Variants in GPC5 observed in about 807,000 individuals in gnomAD.
GPC5 encodes glypican 5.
A neutral mutation model predicts 53.9 loss-of-function variants in GPC5; 47 were observed. The observed-to-expected ratio is 0.87, with a 90% CI of 0.69 to 1.11. The LOEUF is 1.11. Among genes scored for constraint, GPC5 ranks in the 50% most tolerant of loss-of-function variants. The probability of loss-of-function intolerance (pLI) is 0.00; values close to 1 mark genes in which losing one functional copy is unlikely to be tolerated. For missense variants in GPC5, 748 were observed against 713.1 expected (o/e 1.05, Z -0.56); for synonymous variants, 286 against 263.3 (o/e 1.09, Z -0.84).
At chr13:91,875,633 T>C (rs1286857884) in intron 5 of GPC5, among the ~76,000 whole-genome samples, 2 of 152,230 alleles carry the variant, frequency 1.3e-5, no homozygotes, top group Non-Finnish European at 2.9e-5. Context: ...TTCTGAAATA[T>C]TTCCTTCTTT....
intron 7 of GPC5, among the ~76,000 whole-genome samples, chr13:92,471,639 TAG>T (rs1170785226): frequency 2.0e-5 from 3 of 151,802 alleles, no homozygotes; most frequent in Non-Finnish European, 2.9e-5. Flanking sequence ...TACATATATA[TAG>T]AGAGAGAGGG....
intron 7 of GPC5, among the ~76,000 whole-genome samples, chr13:92,210,877 A>G (rs2042370313): frequency 6.6e-6 from 1 of 152,214 alleles, no homozygotes; most frequent in Non-Finnish European, 1.5e-5. Context: ...AGGGCAATGA[A>G]ATAAATCAGG....
At chr13:92,798,320 G>A (rs1460592611) in intron 7 of GPC5, among the ~76,000 whole-genome samples, 3 of 151,886 alleles carry the variant, frequency 2.0e-5, no homozygotes, top group Non-Finnish European at 4.4e-5. Context: ...TCACAATGGT[G>A]TAAAGGGCAG....
chr13:91,451,793 T>A (rs1303684866), intron 2 of GPC5, among the ~76,000 whole-genome samples: 2 of 151,720 alleles, frequency 1.3e-5, no homozygotes. Flanking sequence ...AATTTTTGTA[T>A]TTTTAGTAGA....
intron 6 of GPC5, among the ~76,000 whole-genome samples, chr13:91,988,128 A>C (rs1401153861): frequency 6.6e-6 from 1 of 151,062 alleles, no homozygotes; most frequent in African/African-American, 2.4e-5. Context: ...CATATTTTTA[A>C]GGCCATTATT....
At chr13:91,721,927 G>A (rs985606483) in intron 3 of GPC5, among the ~76,000 whole-genome samples, 1 of 152,142 alleles carries the variant, frequency 6.6e-6, no homozygotes, top group Admixed American at 6.5e-5. Flanking sequence ...ACTTAAAGTT[G>A]TCTATTTAAT....
At chr13:91,554,467 C>T (rs1448324522) in intron 2 of GPC5, among the ~76,000 whole-genome samples, 1 of 151,900 alleles carries the variant, frequency 6.6e-6, no homozygotes, top group East Asian at 1.9e-4. Flanking sequence ...GCTGAAGGGG[C>T]AAAGTTTCAG....
At position 92,009,599 on chromosome 13, in the gene GPC5, T is replaced by C. The variant is rs537502428; in HGVS notation, c.1401+101542T>C. Among the ~76,000 whole-genome samples, 7 of 152,310 alleles carry C rather than the reference T, an allele frequency of 4.6e-5. No homozygotes were observed. In the South Asian group the frequency reaches 1.4e-3, roughly 32 times the overall value. On this transcript the variant is annotated intron_variant, in intron 6 of 7. Transcript: ENST00000377067. ...AGCTTTTATATTCAGCAACAAAGTC[T>C]AAAGAACCCAGTGCAGATTTCTAGG...
At chr13:92,464,136 T>C (rs1336043400) in intron 7 of GPC5, among the ~76,000 whole-genome samples, 1 of 152,176 alleles carries the variant, frequency 6.6e-6, no homozygotes. Flanking sequence ...AGTTATACAA[T>C]TTATCACTCA....
At chr13:92,832,890 C>T (rs898008266) in intron 7 of GPC5, among the ~76,000 whole-genome samples, 1 of 152,106 alleles carries the variant, frequency 6.6e-6, no homozygotes, top group African/African-American at 2.4e-5. Flanking sequence ...TGCCTATAAT[C>T]CCAGCTACTT....
intron 2 of GPC5, among the ~76,000 whole-genome samples, chr13:91,622,193 T>C (rs2033879702): frequency 6.6e-6 from 1 of 152,104 alleles, no homozygotes; most frequent in Non-Finnish European, 1.5e-5. Flanking sequence ...GTTAATCTCC[T>C]TTGGCAACAC....
chr13:92,116,485 A>C (rs1210814707), intron 6 of GPC5, among the ~76,000 whole-genome samples: 1 of 152,194 alleles, frequency 6.6e-6, no homozygotes, highest in Non-Finnish European at 1.5e-5. Flanking sequence ...ATAGCAAACT[A>C]ATATACCGTG....
chr13:91,913,562 T>G (rs2039631308), intron 6 of GPC5, among the ~76,000 whole-genome samples: 1 of 152,116 alleles, frequency 6.6e-6, no homozygotes, highest in Non-Finnish European at 1.5e-5. Context: ...TGGGATCTGA[T>G]GTAAATAGAG....
At chr13:92,198,637 G>A (rs1485495439) in intron 7 of GPC5, among the ~76,000 whole-genome samples, 1 of 152,164 alleles carries the variant, frequency 6.6e-6, no homozygotes, top group East Asian at 1.9e-4. Context: ...GATGTCAAGA[G>A]GAAATCACCA....
At chr13:92,041,553 A>C (rs1334108191) in intron 6 of GPC5, among the ~76,000 whole-genome samples, 1 of 152,108 alleles carries the variant, frequency 6.6e-6, no homozygotes, top group East Asian at 1.9e-4. Flanking sequence ...ATAAAGTCAC[A>C]CTCATCCCTG....
chr13:92,608,743 T>C (rs1214364846), intron 7 of GPC5, among the ~76,000 whole-genome samples: 1 of 152,206 alleles, frequency 6.6e-6, no homozygotes, highest in Non-Finnish European at 1.5e-5. Context: ...CCTTTGAAGA[T>C]GTTGTATAGA....
intron 7 of GPC5, among the ~76,000 whole-genome samples, chr13:92,306,944 T>G (rs1485368628): frequency 6.6e-6 from 1 of 152,212 alleles, no homozygotes. Flanking sequence ...GGATTTTACA[T>G]AAGATTTCAT....
intron 2 of GPC5, among the ~76,000 whole-genome samples, chr13:91,490,599 G>A (rs1883887832): frequency 1.3e-5 from 2 of 152,102 alleles, no homozygotes; most frequent in Admixed American, 6.6e-5. Flanking sequence ...TTGACTGCTG[G>A]TGTTATGACC....
At chr13:92,391,719 C>T (rs1875011292) in intron 7 of GPC5, among the ~76,000 whole-genome samples, 1 of 152,114 alleles carries the variant, frequency 6.6e-6, no homozygotes, top group African/African-American at 2.4e-5. Context: ...TTTGCAAATA[C>T]TTTCTCTACT....
Sources: allele counts gnomAD v4.1 joint callset (sites outside exome capture counted in the v4.1 genomes callset), GRCh38; gene constraint gnomAD v4.1.1; transcripts MANE v1.5; gene names NCBI Gene and HGNC (gene_info 2026-07-23, HGNC 2026-07-21).